Variants in KCND3 observed in about 807,000 individuals in gnomAD.
The protein encoded by KCND3 is potassium voltage-gated channel subfamily D member 3.
KCND3 carries 9 observed loss-of-function variants against 51.1 expected under a neutral mutation model. The ratio of observed to expected loss-of-function variants is 0.18; its 90% CI spans 0.11 to 0.31. KCND3 has a LOEUF of 0.31. KCND3 is among the 10% of genes least tolerant of loss of function. The pLI is 1.00. For synonymous variants in KCND3, 349 were observed against 368.0 expected (o/e 0.95, Z 0.59); for missense variants, 526 against 903.8 (o/e 0.58, Z 5.36).
chr1:111,820,938 C>A (rs1666320248), intron 2 of KCND3, among the ~76,000 whole-genome samples: 1 of 152,208 alleles, frequency 6.6e-6, no homozygotes, highest in Non-Finnish European at 1.5e-5. Context: ...GGGGCAGATT[C>A]TCCCTGAGAA....
chr1:111,798,991 C>A (rs78997109), intron 2 of KCND3, among the ~76,000 whole-genome samples: 1 of 151,992 alleles, frequency 6.6e-6, no homozygotes, highest in Admixed American at 6.6e-5. Flanking sequence ...ATACACCAAC[C>A]GTAACCAGGT....
intron 2 of KCND3, among the ~76,000 whole-genome samples, chr1:111,979,941 T>G (rs1674849089): frequency 6.6e-6 from 1 of 152,116 alleles, no homozygotes; most frequent in Non-Finnish European, 1.5e-5. Flanking sequence ...CACTGGGCAG[T>G]CAGAGCCACA....
At chr1:111,781,985 A>G (rs770270006) in intron 3 of KCND3, among the ~76,000 whole-genome samples, 1 of 152,214 alleles carries the variant, frequency 6.6e-6, no homozygotes, top group Non-Finnish European at 1.5e-5. Context: ...ATCTATTTAC[A>G]GCCCCAGGTG....
intron 2 of KCND3, among the ~76,000 whole-genome samples, chr1:111,880,645 G>A (rs953502819): frequency 1.3e-5 from 2 of 152,016 alleles, no homozygotes; most frequent in African/African-American, 4.8e-5. Flanking sequence ...AGGAGAAGGA[G>A]GAAAAAATAA....
At chr1:111,826,634 A>G (rs768483225) in intron 2 of KCND3, among the ~76,000 whole-genome samples, 2 of 152,202 alleles carry the variant, frequency 1.3e-5, no homozygotes, top group African/African-American at 2.4e-5. Context: ...GTGGTTTACT[A>G]TGTCAACGAG....
At chr1:111,803,857 C>T (rs540230123) in intron 2 of KCND3, among the ~76,000 whole-genome samples, 1 of 152,320 alleles carries the variant, frequency 6.6e-6, no homozygotes, top group South Asian at 2.1e-4. Context: ...TCGACTCCAA[C>T]TCCCTTCTGA....
At chr1:111,940,873 G>A (rs1250446402) in intron 2 of KCND3, among the ~76,000 whole-genome samples, 2 of 152,164 alleles carry the variant, frequency 1.3e-5, no homozygotes, top group African/African-American at 4.8e-5. Context: ...ACACCCTGGT[G>A]TTTCCAATGT....
At chr1:111,840,906 C>CACT (rs765007531) in intron 2 of KCND3, among the ~76,000 whole-genome samples, 83 of 152,356 alleles carry the variant, frequency 5.4e-4, no homozygotes, top group Non-Finnish European at 9.0e-4. Context: ...AATGGCCAGG[C>CACT]ACTGTTCTAG....
intron 2 of KCND3, among the ~76,000 whole-genome samples, chr1:111,963,395 C>A (rs976288219): frequency 6.6e-6 from 1 of 152,204 alleles, no homozygotes; most frequent in African/African-American, 2.4e-5. Context: ...GGGTGAAACC[C>A]TTCTCTGTCA....
chr1:111,853,353 G>A (rs12724158), intron 2 of KCND3, among the ~76,000 whole-genome samples: 17,507 of 152,226 alleles, frequency 0.12, 1,429 homozygotes, highest in East Asian at 0.41. Context: ...ATGTGAAAGT[G>A]GCAAGCAGGC....
At chr1:111,936,291 G>A (rs181509706) in intron 2 of KCND3, among the ~76,000 whole-genome samples, 1 of 152,298 alleles carries the variant, frequency 6.6e-6, no homozygotes, top group Non-Finnish European at 1.5e-5. Context: ...GCCAGCATTG[G>A]TGAGCAGAGG....
chr1:111,805,639 AG>A (rs1445724674), intron 2 of KCND3, among the ~76,000 whole-genome samples: 1 of 152,238 alleles, frequency 6.6e-6, no homozygotes, highest in Non-Finnish European at 1.5e-5. Flanking sequence ...CTTAAACTTT[AG>A]GGAAAAACCA....
intron 2 of KCND3, among the ~76,000 whole-genome samples, chr1:111,822,976 A>T (rs1012113840): frequency 1.3e-5 from 2 of 152,252 alleles, no homozygotes; most frequent in Non-Finnish European, 2.9e-5. Context: ...TTCAAGACAC[A>T]GCCCCTGCCC....
chr1:111,924,275 TATG>T (rs1387140911), intron 2 of KCND3, among the ~76,000 whole-genome samples: 1 of 152,176 alleles, frequency 6.6e-6, no homozygotes, highest in Non-Finnish European at 1.5e-5. Context: ...AACAAATAAT[TATG>T]ATAATGTGCA....
At chr1:111,776,317 G>A (rs776625801) in intron 7 of KCND3, 39 bp from the exon 8 acceptor site, 29 of 1,592,068 alleles carry the variant, frequency 1.8e-5, no homozygotes, top group Non-Finnish European at 2.4e-5. Flanking sequence ...GGTTCCTGCT[G>A]GCCAGCGTCC....
At chr1:111,875,447 T>A (rs1352641045) in intron 2 of KCND3, among the ~76,000 whole-genome samples, 1 of 152,172 alleles carries the variant, frequency 6.6e-6, no homozygotes, top group Non-Finnish European at 1.5e-5. Flanking sequence ...TTAAAATAAC[T>A]AGGTTGTAGG....
At chr1:111,922,272 CTG>C (rs1349669577) in intron 2 of KCND3, among the ~76,000 whole-genome samples, 2 of 152,196 alleles carry the variant, frequency 1.3e-5, no homozygotes, top group African/African-American at 4.8e-5. Flanking sequence ...CAAGGTAAAA[CTG>C]AGATTTTAGC....
chr1:111,892,917 A>G (rs1177034492), intron 2 of KCND3, among the ~76,000 whole-genome samples: 1 of 152,228 alleles, frequency 6.6e-6, no homozygotes, highest in Non-Finnish European at 1.5e-5. Flanking sequence ...CGACACACCA[A>G]AGTATCCTCT....
intron 2 of KCND3, among the ~76,000 whole-genome samples, chr1:111,971,554 A>C (rs1038759471): frequency 1.3e-5 from 2 of 151,950 alleles, no homozygotes; most frequent in African/African-American, 4.8e-5. Context: ...CCCTCCCTTC[A>C]TCTTTCCCTG....
Sources: allele counts gnomAD v4.1 joint callset (sites outside exome capture counted in the v4.1 genomes callset), GRCh38; gene constraint gnomAD v4.1.1; transcripts MANE v1.5; gene names NCBI Gene and HGNC (gene_info 2026-07-23, HGNC 2026-07-21).